AK8: variants seen among roughly 807,000 people sequenced by gnomAD.
The protein encoded by AK8 is adenylate kinase 8, also known as ATP-AMP transphosphorylase 8.
Under a neutral mutation model 54.6 loss-of-function variants are expected in AK8, and 44 were observed. The observed-to-expected ratio is 0.81, with a 90% CI of 0.63 to 1.04. The LOEUF is 1.04. Among genes scored for constraint, AK8 ranks in the 50% least tolerant of loss-of-function variants. The pLI is 0.00. For synonymous variants in AK8, 239 were observed against 245.6 expected, an observed-to-expected ratio of 0.97 and a Z score of 0.25; for missense variants, 555 against 613.6, an observed-to-expected ratio of 0.90 and a Z score of 1.01.
At position 132,792,577 on chromosome 9, in the gene AK8, G is replaced by T; in HGVS notation, c.1121+57C>A. ...ACCTGGACCCCTTCAGCTGAGCCCT[G>T]GAGAGGGGGTGCCCAGGGGCTTGGC... On this transcript the variant is annotated intron_variant, in intron 11 of 12. Coordinates refer to ENST00000298545, the MANE Select transcript of AK8 (RefSeq NM_152572.3). The T allele has an allele frequency of 2.0e-6, 3 of 1,524,094 alleles. No individual in the cohort carries two copies. The South Asian group carries it at 3.7e-5, about 19-fold the overall frequency. The allele number at this position is 1,524,094 out of a possible 1,614,324, so 94.4% of individuals were successfully genotyped here. A position where few individuals can be genotyped will look rare whatever the true frequency, so the allele number is the denominator to read the frequency against.
Position 132,791,011 on chromosome 9 carries a change from T to C in AK8, c.1121+1623A>G, listed in dbSNP as rs1456239652. Among the ~76,000 whole-genome samples the C allele has an allele frequency of 1.3e-5, 2 of 152,212 alleles. No homozygotes were observed. Among genetic ancestry groups the C allele is most frequent in the African/African-American group, 4.8e-5 (2 of 41,446 alleles). On this transcript the variant is annotated intron_variant, in intron 11 of 12. Coordinates refer to ENST00000298545, the MANE Select transcript of AK8 (RefSeq NM_152572.3). This position sits in a 1 kb window ranked among gnomAD's most constrained non-coding sequence, Gnocchi z 4.0. ...CCCAAGGAAGTGTTGATATTTTCACTAGAAGCAAAGACAGAATATATCCAT... is the reference window on the plus strand; with the variant it reads ...CCCAAGGAAGTGTTGATATTTTCACCAGAAGCAAAGACAGAATATATCCAT...
intron 11 of AK8, among the ~76,000 whole-genome samples, chr9:132,748,943 C>T (rs1431211529): frequency 6.6e-6 from 1 of 151,892 alleles, no homozygotes; most frequent in East Asian, 1.9e-4. Flanking sequence ...GGCGCGATCT[C>T]GGCTCACTGC....
intron 11 of AK8, among the ~76,000 whole-genome samples, chr9:132,743,977 C>G (rs1564377376): frequency 6.6e-6 from 1 of 152,204 alleles, no homozygotes; most frequent in Non-Finnish European, 1.5e-5. Flanking sequence ...CCTGAAATCT[C>G]CAGTGAGGAT....
intron 10 of AK8, 123 bp from the exon 11 acceptor site, chr9:132,792,898 A>T: frequency 8.1e-7 from 1 of 1,231,662 alleles, no homozygotes; most frequent in South Asian, 1.8e-5. Flanking sequence ...AGCCACTTGG[A>T]ACCACTTGGA....
intron 11 of AK8, among the ~76,000 whole-genome samples, chr9:132,745,323 G>A (rs919939563): frequency 6.6e-6 from 1 of 152,138 alleles, no homozygotes; most frequent in African/African-American, 2.4e-5. Context: ...GCCCAGGGCC[G>A]GCTCCCTCTC....
At chr9:132,733,578 C>T (rs549875726) in intron 11 of AK8, among the ~76,000 whole-genome samples, 6 of 152,346 alleles carry the variant, frequency 3.9e-5, no homozygotes, top group East Asian at 1.9e-4. Context: ...GCTTGGAGCA[C>T]GCTGCTGGGG....
At chr9:132,865,555 C>T (rs560176975) in intron 3 of AK8, among the ~76,000 whole-genome samples, 1 of 152,308 alleles carries the variant, frequency 6.6e-6, no homozygotes, top group South Asian at 2.1e-4. Flanking sequence ...GGCACGGTGG[C>T]TCACGCCTGT....
At chr9:132,786,422 C>T (rs759593501) in intron 11 of AK8, among the ~76,000 whole-genome samples, 1 of 152,164 alleles carries the variant, frequency 6.6e-6, no homozygotes, top group Non-Finnish European at 1.5e-5. Flanking sequence ...AAACTGCATG[C>T]AGTATGTGAG....
In AK8 at chr9:132,837,644, A is replaced by G. The variant is rs1842380519; in HGVS notation, c.403-8918T>C. 3.3e-5 allele frequency among the ~76,000 whole-genome samples: 5 copies of G among 152,290 alleles called. No individual in the cohort carries two copies. Among genetic ancestry groups the G allele is most frequent in the Admixed American group, 2.6e-4 (4 of 15,298 alleles). On this transcript the variant is annotated intron_variant, in intron 5 of 12. Coordinates refer to ENST00000298545, the MANE Select transcript of AK8 (RefSeq NM_152572.3). The surrounding 1 kb of genome is among the most constrained non-coding windows in gnomAD (Gnocchi z 4.3). ...CTGAGGCATCACACATCCACAGAGCATATCGGAACACGCGTTCCTGTCCAC... is the reference window on the plus strand; with the variant it reads ...CTGAGGCATCACACATCCACAGAGCGTATCGGAACACGCGTTCCTGTCCAC...
intron 2 of AK8, chr9:132,874,415 T>C (rs7022566): frequency 0.12 from 17,844 of 152,498 alleles, 2,227 homozygotes; most frequent in African/African-American, 0.31. Context: ...ATTTCACTGG[T>C]GCACTGGTAG....
At position 132,823,323 on chromosome 9, in the gene AK8, G is replaced by A; in HGVS notation, c.771C>T (p.Val257=). ...GGGCATTAGTACGATGGTTGCTTTGGACATAGGTCAGAGCTGGAAAGAGAG... is the reference window on the plus strand; with the variant it reads ...GGGCATTAGTACGATGGTTGCTTTGAACATAGGTCAGAGCTGGAAAGAGAG... ...VDVFYQALTY[V]QSNHRTNAPF... Residue 257 remains valine, a synonymous_variant, in exon 9 of 13, where the codon GTC becomes GTT. Coordinates refer to ENST00000298545, the MANE Select transcript of AK8 (RefSeq NM_152572.3). The A allele has an allele frequency of 6.2e-7, 1 of 1,613,976 alleles. No homozygotes were observed. The highest frequency in any genetic ancestry group is 8.5e-7 in the Non-Finnish European group (1 of 1,179,920).
chr9:132,800,260 G>A (rs1275681946), intron 10 of AK8, among the ~76,000 whole-genome samples: 3 of 152,146 alleles, frequency 2.0e-5, no homozygotes, highest in Non-Finnish European at 4.4e-5. Flanking sequence ...GCCCTGCAGC[G>A]CCCCAGTGCC....
Position 132,726,879 on chromosome 9 carries a change from GC to G in AK8, c.1202+574del, listed in dbSNP as rs1305063958. Among the ~76,000 whole-genome samples the G allele has an allele frequency of 4.1e-5, 4 of 98,434 alleles. No homozygotes were observed. In the Admixed American group the frequency reaches 4.3e-4, roughly 11 times the overall value. 64.6% of individuals were successfully genotyped at this position (98,434 alleles called of 152,430 possible). On this transcript the variant is annotated intron_variant, in intron 12 of 12. Transcript: ENST00000298545. ...AAATCCCTGCACTTCCTTCCTGCCC[GC>G]CCCCCACCCCACTCCTGCGTCCCTA...
chr9:132,852,339 G>A (rs1250922721), intron 5 of AK8, among the ~76,000 whole-genome samples: 1 of 152,164 alleles, frequency 6.6e-6, no homozygotes, highest in African/African-American at 2.4e-5. Flanking sequence ...GCCGGGCGCG[G>A]TGGCTCATGC....
chr9:132,865,449 G>A (rs1161716815), intron 3 of AK8, among the ~76,000 whole-genome samples: 3 of 152,232 alleles, frequency 2.0e-5, no homozygotes, highest in Non-Finnish European at 4.4e-5. Context: ...GTTCGCTGAT[G>A]TTCACCAATC....
chr9:132,763,933 A>G lies in AK8; in HGVS notation c.1121+28701T>C, dbSNP rs1014185011. On this transcript the variant is annotated intron_variant, in intron 11 of 12. Transcript: ENST00000298545. ...AAAGTAGGAAGATTTCAAATAACCT[A>G]ATGATGCATTTCAAGGAACTAGAAA... Among the ~76,000 whole-genome samples, 3 of 152,370 alleles carry G rather than the reference A, an allele frequency of 2.0e-5. No homozygotes were observed. In the South Asian group the frequency reaches 6.2e-4, roughly 32 times the overall value.
rs1182719840 is a variant in AK8 at position 132,855,064 on chromosome 9, C to T, written c.334-139G>A. 63 of 762,572 alleles carry T rather than the reference C, an allele frequency of 8.3e-5. No individual in the cohort carries two copies. In the East Asian group the frequency reaches 1.6e-3, roughly 19 times the overall value. 47.2% of individuals were successfully genotyped at this position (762,572 alleles called of 1,614,324 possible). On this transcript the variant is annotated intron_variant, in intron 4 of 12. Transcript: ENST00000298545. ...CATCGGGCCCCGCCCTTCCTCCACC[C>T]GCTGCACCCTTTCCTTGAACTCTCT...
At chr9:132,811,394 A>T (rs1248615086) in intron 10 of AK8, among the ~76,000 whole-genome samples, 2 of 152,336 alleles carry the variant, frequency 1.3e-5, no homozygotes, top group Non-Finnish European at 2.9e-5. Flanking sequence ...GAAGTCAGAG[A>T]GAGAGAGATT....
At chr9:132,783,545 C>CA (rs1164969396) in intron 11 of AK8, among the ~76,000 whole-genome samples, 1 of 140,122 alleles carries the variant, frequency 7.1e-6, no homozygotes, top group Non-Finnish European at 1.5e-5. Context: ...TAGGTGCTAC[C>CA]AAAAAATGGA....
Sources: allele counts gnomAD v4.1 joint callset (sites outside exome capture counted in the v4.1 genomes callset), GRCh38; gene constraint gnomAD v4.1.1; non-coding constraint Gnocchi (gnomAD v3.1); transcripts MANE v1.5; gene names NCBI Gene and HGNC (gene_info 2026-07-23, HGNC 2026-07-21).